Variants in PIGG observed in about 807,000 individuals in gnomAD.
PIGG encodes the protein phosphatidylinositol glycan anchor biosynthesis class G (EMM blood group).
A neutral mutation model predicts 83.2 loss-of-function variants in PIGG; 70 were observed. That is an observed-to-expected ratio of 0.84 (90% CI 0.69 to 1.03). The LOEUF is 1.03. PIGG is among the 50% of genes least tolerant of loss of function. The pLI, the probability that PIGG is intolerant of heterozygous loss-of-function variation, is 0.00. For missense variants in PIGG, 1,257 were observed against 1,233.6 expected (o/e 1.02, Z -0.28); for synonymous variants, 532 against 519.5 (o/e 1.02, Z -0.33).
chr4:512,313 G>A (rs1473493935), intron 5 of PIGG, among the ~76,000 whole-genome samples: 2 of 146,662 alleles, frequency 1.4e-5, no homozygotes, highest in East Asian at 2.1e-4. Context: ...TCCGCCTCCC[G>A]GGTTCAAGCT....
intron 6 of PIGG, among the ~76,000 whole-genome samples, chr4:517,503 G>A (rs1724327432): frequency 6.6e-6 from 1 of 152,142 alleles, no homozygotes; most frequent in Non-Finnish European, 1.5e-5. Flanking sequence ...TGTGGGTGGG[G>A]GTGTTGGTGT....
chr4:521,359 G>T, intron 7 of PIGG, 86 bp downstream of exon 7: 1 of 837,030 alleles, frequency 1.2e-6, no homozygotes, highest in Non-Finnish European at 1.9e-6. Context: ...TATATATATA[G>T]GTGTTATTAA....
rs974821242 is a variant in PIGG, at chr4:537,243, C to A, written c.2736-1910C>A. The A allele has an allele frequency of 4.6e-5, 7 of 152,186 alleles. No individual in the cohort carries two copies. In the South Asian group the frequency reaches 1.4e-3, roughly 31 times the overall value. 9.4% of individuals were successfully genotyped at this position (152,186 alleles called of 1,614,324 possible). ...AAATATGTTTCCAAAAGGTCAAAAA[C>A]GTGGCCTTGAGTGGTTGGCGACCCT... On this transcript the variant is annotated intron_variant, in intron 12 of 12. Coordinates refer to ENST00000453061, the MANE Select transcript of PIGG (RefSeq NM_001127178.3).
intron 9 of PIGG, among the ~76,000 whole-genome samples, chr4:526,594 C>A (rs1411779233): frequency 6.6e-6 from 1 of 152,174 alleles, no homozygotes; most frequent in Non-Finnish European, 1.5e-5. Context: ...GCAGGGCTGA[C>A]CCCGAGAGGG....
chr4:527,880 G>A, intron 10 of PIGG: 1 of 985,392 alleles, frequency 1.0e-6, no homozygotes, highest in Non-Finnish European at 1.2e-6. Flanking sequence ...TAACATGTGG[G>A]TGACCCTCTA....
At position 521,139 on chromosome 4, in the gene PIGG, G is replaced by A. The variant is rs142649861; in HGVS notation, c.1198G>A (p.Val400Ile). 19 of 1,614,138 alleles carry A rather than the reference G, an allele frequency of 1.2e-5. No individual in the cohort carries two copies. The East Asian group carries it at 3.8e-4, about 32-fold the overall frequency. ...RLYLEEKHSE[V>I]LFNLGSKVLR... is the part of the protein sequence containing the mutation. ...GTACTTGGAGGAAAAGCATTCAGAAGTCCTATTCAACCTGGGCTCCAAGGT... is the reference window on the plus strand; with the variant it reads ...GTACTTGGAGGAAAAGCATTCAGAAATCCTATTCAACCTGGGCTCCAAGGT... Residue 400 changes from valine (V) to isoleucine (I), a missense_variant, in exon 7 of 13, where the codon GTC becomes ATC. Val to Ile is a conservative substitution (Grantham distance 29, BLOSUM62 3). Coordinates refer to ENST00000453061, the MANE Select transcript of PIGG (RefSeq NM_001127178.3).
chr4:506,563 G>A (rs894487558), intron 3 of PIGG, among the ~76,000 whole-genome samples: 3 of 152,144 alleles, frequency 2.0e-5, no homozygotes, highest in African/African-American at 7.2e-5. Context: ...AAAGTGGGGC[G>A]CTTTTCAACA....
intron 6 of PIGG, among the ~76,000 whole-genome samples, chr4:519,708 G>A (rs1460339394): frequency 2.6e-5 from 4 of 151,442 alleles, no homozygotes; most frequent in South Asian, 4.2e-4. Context: ...GCCTGCAGGC[G>A]TGTGGGTTCA....
At chr4:521,313 G>A (rs544523683) in intron 7 of PIGG, 40 bp downstream of exon 7, 7 of 1,369,002 alleles carry the variant, frequency 5.1e-6, no homozygotes, top group Admixed American at 3.7e-5. Context: ...GTGTTGCATT[G>A]ATTTGATAAC....
intron 5 of PIGG, among the ~76,000 whole-genome samples, chr4:512,442 C>T (rs1317090467): frequency 6.6e-6 from 1 of 151,926 alleles, no homozygotes; most frequent in Non-Finnish European, 1.5e-5. Flanking sequence ...ATCTCAAACT[C>T]CTGACCTTGT....
intron 11 of PIGG, 24 bp downstream of exon 11, chr4:530,769 G>C: frequency 7.1e-7 from 1 of 1,406,822 alleles, no homozygotes; most frequent in Non-Finnish European, 9.8e-7. Flanking sequence ...ATTATCATGG[G>C]TAGTAGACTT....
intron 6 of PIGG, among the ~76,000 whole-genome samples, chr4:516,834 A>G (rs2108892316): frequency 6.7e-6 from 1 of 148,748 alleles, no homozygotes; most frequent in South Asian, 2.2e-4. Context: ...CCAGCCTGGC[A>G]ACAGAGCAAG....
At chr4:530,300 G>A in intron 10 of PIGG, 136 bp from the exon 11 acceptor site, 1 of 645,952 alleles carries the variant, frequency 1.5e-6, no homozygotes, top group Non-Finnish European at 2.7e-6. Flanking sequence ...GGTAGGGAGG[G>A]TGCCGCGGCT....
chr4:505,773 C>A lies in PIGG; in HGVS notation c.416C>A (p.Ser139Tyr). The change falls in exon 3 of 13, where the codon TCT becomes TAT. Residue 139 changes from serine to tyrosine, a missense_variant. Ser to Tyr is a moderately radical substitution (Grantham distance 144, BLOSUM62 -2). Coordinates refer to ENST00000453061, the MANE Select transcript of PIGG (RefSeq NM_001127178.3). ...GFVDVIRNLN[S>Y]PALLEDSVIR... Reference sequence around the variant, plus strand: ...GTCGACGTCATCAGGAACCTCAATTCTCCTGCACTGCTGGAAGACAGTGTG... The same window carrying A: ...GTCGACGTCATCAGGAACCTCAATTATCCTGCACTGCTGGAAGACAGTGTG... The A allele has an allele frequency of 6.2e-7, 1 of 1,613,486 alleles. No homozygotes were observed.
At chr4:527,487 A>G in intron 10 of PIGG, 2 of 1,256,166 alleles carry the variant, frequency 1.6e-6, no homozygotes, top group Non-Finnish European at 2.0e-6. Flanking sequence ...ATCACTTGGA[A>G]GTAAGATTTT....
chr4:536,280 G>A (rs1248633387), intron 12 of PIGG: 1 of 152,314 alleles, frequency 6.6e-6, no homozygotes, highest in Non-Finnish European at 1.5e-5. Context: ...CCTTTCCAAG[G>A]GGAGAATCGC....
chr4:503,845 TACACAC>T (rs56841358), intron 2 of PIGG, among the ~76,000 whole-genome samples: 3,360 of 145,676 alleles, frequency 0.023, 79 homozygotes, highest in African/African-American at 0.066. Context: ...TGTGATTTTA[TACACAC>T]ACACACACAC....
At chr4:537,609 C>T (rs555716210) in intron 12 of PIGG, among the ~76,000 whole-genome samples, 3 of 152,268 alleles carry the variant, frequency 2.0e-5, no homozygotes, top group East Asian at 1.9e-4. Context: ...ACCAGCGGTA[C>T]GGGTTTGGGG....
intron 5 of PIGG, among the ~76,000 whole-genome samples, chr4:511,823 G>A (rs1553883604): frequency 6.6e-6 from 1 of 152,180 alleles, no homozygotes; most frequent in East Asian, 1.9e-4. Context: ...AAATATCCGG[G>A]ATGTCTATTT....
Sources: allele counts gnomAD v4.1 joint callset (sites outside exome capture counted in the v4.1 genomes callset), GRCh38; gene constraint gnomAD v4.1.1; transcripts MANE v1.5; gene names NCBI Gene and HGNC (gene_info 2026-07-23, HGNC 2026-07-21).